The following EPS15 variants were observed in gnomAD, a reference collection of about 807,000 sequenced individuals.
EPS15 encodes the protein epidermal growth factor receptor substrate 15.
EPS15 carries 72 observed loss-of-function variants against 113.8 expected under a neutral mutation model. That is an observed-to-expected ratio of 0.63 (90% confidence interval 0.52 to 0.77). The LOEUF (loss-of-function observed/expected upper bound fraction) is 0.77. Ranked by LOEUF, EPS15 falls within the 30% of genes least tolerant of loss-of-function variation. The probability of loss-of-function intolerance (pLI) is 0.00; values close to 1 mark genes in which losing one functional copy is unlikely to be tolerated. For missense variants in EPS15, 1,048 were observed against 1,045.8 expected, an observed-to-expected ratio of 1.00 and a Z score of -0.03; for synonymous variants, 344 against 363.4, an observed-to-expected ratio of 0.95 and a Z score of 0.61.
chr1:51,386,150 T>G (rs1647065619), intron 21 of EPS15, among the ~76,000 whole-genome samples: 1 of 152,240 alleles, frequency 6.6e-6, no homozygotes, highest in Non-Finnish European at 1.5e-5. Context: ...CTGGCTCATT[T>G]TTTCATTCAA....
chr1:51,454,439 A>G (rs1283777114), intron 8 of EPS15, among the ~76,000 whole-genome samples: 3 of 152,238 alleles, frequency 2.0e-5, no homozygotes, highest in African/African-American at 4.8e-5. Flanking sequence ...CTTATCTTAA[A>G]TAAGTGAAGG....
intron 1 of EPS15, among the ~76,000 whole-genome samples, chr1:51,488,472 T>TAAAA (rs71063033): frequency 0.069 from 5,867 of 85,052 alleles, 193 homozygotes; most frequent in Non-Finnish European, 0.089. Context: ...TAAAGTTTTG[T>TAAAA]AAAAAAAAAA....
At chr1:51,492,389 G>A (rs1261109768) in intron 1 of EPS15, among the ~76,000 whole-genome samples, 4 of 152,094 alleles carry the variant, frequency 2.6e-5, no homozygotes, top group African/African-American at 9.7e-5. Context: ...GTATTCTAAA[G>A]AAAGTTTTCA....
At chr1:51,426,726 AC>A (rs976643318) in intron 12 of EPS15, among the ~76,000 whole-genome samples, 10 of 150,956 alleles carry the variant, frequency 6.6e-5, no homozygotes, top group Admixed American at 1.3e-4. Context: ...TGCAACATAA[AC>A]TCTTCACTGG....
intron 13 of EPS15, among the ~76,000 whole-genome samples, chr1:51,417,662 C>G (rs1650370181): frequency 1.3e-5 from 2 of 152,198 alleles, no homozygotes; most frequent in South Asian, 4.2e-4. Flanking sequence ...TGGTGTGGAC[C>G]AAGAGACAGA....
intron 21 of EPS15, among the ~76,000 whole-genome samples, chr1:51,379,419 C>A (rs1253757291): frequency 6.6e-6 from 1 of 152,020 alleles, no homozygotes; most frequent in Non-Finnish European, 1.5e-5. Context: ...AGTGCCTGGC[C>A]AGGATCCTCA....
rs1652478471 is a variant in EPS15 at position 51,440,252 on chromosome 1, G to A, written c.1040+95C>T. On this transcript the variant is annotated intron_variant, in intron 12 of 24. Coordinates refer to ENST00000371733, the MANE Select transcript of EPS15 (RefSeq NM_001981.3). ...GAAACAGAAAGGTGTGTGTGGGGAG[G>A]AAGTTGTATACATATATACATGTAC... 10 of 457,232 alleles carry A rather than the reference G, an allele frequency of 2.2e-5. No homozygotes were observed. The South Asian group carries it at 5.6e-4, about 26-fold the overall frequency. 28.3% of individuals were successfully genotyped at this position (457,232 alleles called of 1,614,324 possible).
At chr1:51,518,814 A>T (rs1012228619) in intron 1 of EPS15, among the ~76,000 whole-genome samples, 1 of 151,574 alleles carries the variant, frequency 6.6e-6, no homozygotes, top group Non-Finnish European at 1.5e-5. Context: ...GCTCAACAGG[A>T]GCTCACCTGG....
chr1:51,371,638 T>A (rs6669003), intron 21 of EPS15, among the ~76,000 whole-genome samples: 4,582 of 152,274 alleles, frequency 0.03, 75 homozygotes, highest in African/African-American at 0.05. Flanking sequence ...AGTTCAAAAA[T>A]TTTTTAAAGT....
chr1:51,402,124 A>C (rs891120928), intron 18 of EPS15, among the ~76,000 whole-genome samples: 4 of 148,280 alleles, frequency 2.7e-5, no homozygotes, highest in Non-Finnish European at 5.9e-5. Flanking sequence ...CGACAGAGCG[A>C]GACTCCATTT....
chr1:51,448,011 G>C, intron 9 of EPS15, 35 bp downstream of exon 9: 1 of 1,605,586 alleles, frequency 6.2e-7, no homozygotes, highest in African/African-American at 1.3e-5. Flanking sequence ...TGATGCTGAA[G>C]AGGGGATCAA....
Position 51,514,772 on chromosome 1 carries a change from C to T in EPS15, c.33+4427G>A, listed in dbSNP as rs796164202. On this transcript the variant is annotated intron_variant, in intron 1 of 24. Coordinates refer to ENST00000371733, the MANE Select transcript of EPS15 (RefSeq NM_001981.3). ...TGTTCCTAATTAATTTTAACTATGA[C>T]AACCTCTCCCAAGTGCTGAACATTT... Among the ~76,000 whole-genome samples the T allele has an allele frequency of 5.4e-4, 83 of 152,314 alleles. 1 individual carries two copies. Among genetic ancestry groups the T allele is most frequent in the African/African-American group, 1.9e-3 (79 of 41,564 alleles).
intron 1 of EPS15, among the ~76,000 whole-genome samples, chr1:51,509,433 G>A (rs1228890561): frequency 6.6e-6 from 1 of 152,028 alleles, no homozygotes; most frequent in Non-Finnish European, 1.5e-5. Flanking sequence ...TCTAACTTCA[G>A]AGCCCAAGAT....
At chr1:51,436,228 G>A (rs575735733) in intron 12 of EPS15, among the ~76,000 whole-genome samples, 18 of 152,282 alleles carry the variant, frequency 1.2e-4, no homozygotes, top group African/African-American at 4.1e-4. Context: ...CATGTTCAAA[G>A]AAGTGAACTG....
chr1:51,377,103 C>A (rs555298549), intron 21 of EPS15, among the ~76,000 whole-genome samples: 3 of 152,178 alleles, frequency 2.0e-5, no homozygotes, highest in Admixed American at 1.3e-4. Flanking sequence ...CCTGTCTCTA[C>A]TAAAAATACA....
intron 1 of EPS15, among the ~76,000 whole-genome samples, chr1:51,513,954 T>C (rs541912767): frequency 3.9e-5 from 6 of 152,236 alleles, no homozygotes; most frequent in South Asian, 2.1e-4. Flanking sequence ...AAAAATGCCA[T>C]AGAGAAAAGC....
At chr1:51,424,184 T>C (rs1291209693) in intron 12 of EPS15, among the ~76,000 whole-genome samples, 1 of 152,200 alleles carries the variant, frequency 6.6e-6, no homozygotes, top group East Asian at 1.9e-4. Context: ...TGTTCAATTA[T>C]ATCACTTTCT....
At position 51,448,120 on chromosome 1, in the gene EPS15, A is replaced by C; in HGVS notation, c.577T>G (p.Tyr193Asp). 6.2e-7 allele frequency: 1 copy of C among 1,612,166 alleles called. No individual in the cohort carries two copies. The highest frequency in any genetic ancestry group is 8.5e-7 in the Non-Finnish European group (1 of 1,178,568). The change falls in exon 9 of 25, where the codon TAC (tyrosine) becomes GAC (aspartate). Residue 193 changes from tyrosine to aspartate, a missense_variant. Physicochemically the swap from Tyr to Asp is radical, Grantham distance 160. Transcript: ENST00000371733. Reference protein sequence around the residue: ...DEFAVAMFLVYCALEKEPVPM... With the variant: ...DEFAVAMFLVDCALEKEPVPM... ...ACAGGTTCTTTCTCCAGTGCACAGT[A>C]TACCAAAAACATGGCCTTCAAAATA...
intron 21 of EPS15, among the ~76,000 whole-genome samples, chr1:51,366,586 G>A (rs1646513066): frequency 6.6e-6 from 1 of 152,124 alleles, no homozygotes; most frequent in African/African-American, 2.4e-5. Context: ...TAAAGTACAG[G>A]TAAAGGAACA....
Sources: allele counts gnomAD v4.1 joint callset (sites outside exome capture counted in the v4.1 genomes callset), GRCh38; gene constraint gnomAD v4.1.1; transcripts MANE v1.5; gene names NCBI Gene and HGNC (gene_info 2026-07-23, HGNC 2026-07-21).